Variants in EIF4G3 observed in about 807,000 individuals in gnomAD.
EIF4G3 encodes the protein eukaryotic translation initiation factor 4 gamma 3.
Under a neutral mutation model 186.4 loss-of-function variants are expected in EIF4G3, and 34 were observed. That is an observed-to-expected ratio of 0.18 (90% CI 0.14 to 0.24). EIF4G3 has a LOEUF of 0.24. Among genes scored for constraint, EIF4G3 ranks in the 10% least tolerant of loss-of-function variants. The probability of loss-of-function intolerance (pLI) is 1.00; values close to 1 mark genes in which losing one functional copy is unlikely to be tolerated. For synonymous variants in EIF4G3, 673 were observed against 679.5 expected, an observed-to-expected ratio of 0.99 and a Z score of 0.15; for missense variants, 1,536 against 1,948.5, an observed-to-expected ratio of 0.79 and a Z score of 3.99.
intron 14 of EIF4G3, among the ~76,000 whole-genome samples, chr1:20,927,488 C>G (rs572899768): frequency 1.2e-3 from 186 of 152,232 alleles, no homozygotes; most frequent in Non-Finnish European, 1.9e-3. Context: ...GTGCACTTTA[C>G]TTTTCCAGAG....
At chr1:21,080,449 GA>G (rs901400263) in intron 3 of EIF4G3, among the ~76,000 whole-genome samples, 162 of 144,520 alleles carry the variant, frequency 1.1e-3, no homozygotes, top group African/African-American at 3.6e-3. Flanking sequence ...TCAAAAAAAA[GA>G]AAAAAAAAAG....
chr1:20,911,380 C>CA (rs1411094787), intron 14 of EIF4G3, among the ~76,000 whole-genome samples: 1 of 151,196 alleles, frequency 6.6e-6, no homozygotes, highest in Non-Finnish European at 1.5e-5. Flanking sequence ...CCAGCCTAGG[C>CA]AAAAAAGTGA....
chr1:21,097,190 C>T (rs1020736823), intron 2 of EIF4G3, among the ~76,000 whole-genome samples: 1 of 152,150 alleles, frequency 6.6e-6, no homozygotes, highest in African/African-American at 2.4e-5. Flanking sequence ...CAAGGATACA[C>T]GATCTTTCCA....
intron 4 of EIF4G3, among the ~76,000 whole-genome samples, chr1:21,031,194 C>CACA (rs545461731): frequency 1.2e-3 from 180 of 149,580 alleles, no homozygotes; most frequent in African/African-American, 4.1e-3. Flanking sequence ...AAAAAAAAAA[C>CACA]ACAACAACAA....
chr1:20,855,982 ATGT>A (rs1453122047), intron 25 of EIF4G3, among the ~76,000 whole-genome samples: 1 of 152,224 alleles, frequency 6.6e-6, no homozygotes, highest in Non-Finnish European at 1.5e-5. Context: ...AAAAATACAA[ATGT>A]TGTTATTAAA....
rs193025382 is a variant in EIF4G3 at position 20,858,622 on chromosome 1, C to T, written c.3245-1125G>A. 4.6e-5 allele frequency among the ~76,000 whole-genome samples: 7 copies of T among 152,228 alleles called. No individual in the cohort carries two copies. In the East Asian group the frequency reaches 1.2e-3, roughly 25 times the overall value. On this transcript the variant is annotated intron_variant, in intron 24 of 36. Coordinates refer to ENST00000602326, the MANE Select transcript of EIF4G3 (RefSeq NM_001391906.1). ...TTAAGTATTTATTATTTATTGTCTC[C>T]TCTCTCCCCTCTACCATAAGATGTA...
intron 10 of EIF4G3, among the ~76,000 whole-genome samples, chr1:20,974,886 G>A (rs1044526032): frequency 2.6e-5 from 4 of 151,956 alleles, no homozygotes; most frequent in African/African-American, 9.7e-5. Flanking sequence ...TAACAAGAAG[G>A]AAAAAAATAT....
At chr1:21,145,534 G>A (rs1341479912) in intron 2 of EIF4G3, among the ~76,000 whole-genome samples, 1 of 151,578 alleles carries the variant, frequency 6.6e-6, no homozygotes, top group Non-Finnish European at 1.5e-5. Flanking sequence ...TGACTCAGTG[G>A]GATTACTGGT....
chr1:20,811,014 A>G lies in EIF4G3; in HGVS notation c.4598-130T>C, dbSNP rs546103358. On this transcript the variant is annotated intron_variant, in intron 35 of 36. Coordinates refer to ENST00000602326, the MANE Select transcript of EIF4G3 (RefSeq NM_001391906.1). ...GCCCAGGCTGGAGTGCAGTGGCACA[A>G]TCTAAGCTCACTGCAACCTCCGTCT... The G allele has an allele frequency of 4.8e-6, 4 of 837,618 alleles. No homozygotes were observed. The Admixed American group carries it at 1.1e-4, about 24-fold the overall frequency. 51.9% of individuals were successfully genotyped at this position (837,618 alleles called of 1,614,324 possible). A position where few individuals can be genotyped will look rare whatever the true frequency, so the allele number is the denominator to read the frequency against.
intron 27 of EIF4G3, among the ~76,000 whole-genome samples, chr1:20,852,883 A>G (rs534856144): frequency 6.6e-6 from 1 of 152,118 alleles, no homozygotes; most frequent in Non-Finnish European, 1.5e-5. Flanking sequence ...ACTTATTACA[A>G]TAATAATAAT....
At chr1:20,996,108 T>C (rs1444059536) in intron 7 of EIF4G3, among the ~76,000 whole-genome samples, 1 of 152,224 alleles carries the variant, frequency 6.6e-6, no homozygotes, top group East Asian at 1.9e-4. Context: ...TTTTTATTAT[T>C]AGTAGTAGTA....
At chr1:20,944,787 C>A (rs921572569) in intron 13 of EIF4G3, among the ~76,000 whole-genome samples, 3 of 151,234 alleles carry the variant, frequency 2.0e-5, no homozygotes, top group African/African-American at 7.3e-5. Context: ...TAAATCCCAG[C>A]ACTTTGGGAG....
At chr1:21,115,489 T>G (rs543343476) in intron 2 of EIF4G3, among the ~76,000 whole-genome samples, 1 of 152,296 alleles carries the variant, frequency 6.6e-6, no homozygotes, top group African/African-American at 2.4e-5. Context: ...GCCAAAAGCT[T>G]TGCTTCATTC....
At chr1:21,053,619 C>G (rs1462809058) in intron 3 of EIF4G3, among the ~76,000 whole-genome samples, 158 of 111,928 alleles carry the variant, frequency 1.4e-3, no homozygotes, top group African/African-American at 2.7e-3. Flanking sequence ...CGCCCGGCCA[C>G]CCGCCCCGTC....
At chr1:21,141,945 A>C (rs1418262426) in intron 2 of EIF4G3, among the ~76,000 whole-genome samples, 1 of 152,144 alleles carries the variant, frequency 6.6e-6, no homozygotes, top group African/African-American at 2.4e-5. Context: ...CAAAAAAAAA[A>C]ACAAAATGCT....
At chr1:20,825,340 G>C (rs1397370043) in intron 32 of EIF4G3, 142 bp from the exon 33 acceptor site, 1 of 631,018 alleles carries the variant, frequency 1.6e-6, no homozygotes, top group Non-Finnish European at 2.7e-6. Flanking sequence ...GCAGGGCATG[G>C]TGGTGCACAC....
intron 4 of EIF4G3, among the ~76,000 whole-genome samples, chr1:21,031,194 C>T (rs1025681038): frequency 6.7e-6 from 1 of 149,488 alleles, no homozygotes; most frequent in Non-Finnish European, 1.5e-5. Flanking sequence ...AAAAAAAAAA[C>T]ACAACAACAA....
chr1:21,071,673 G>A (rs562862276), intron 3 of EIF4G3, among the ~76,000 whole-genome samples: 6 of 151,970 alleles, frequency 3.9e-5, no homozygotes, highest in East Asian at 2.0e-4. Context: ...AGGCATGGTG[G>A]TGCGAGCCTG....
intron 2 of EIF4G3, among the ~76,000 whole-genome samples, chr1:21,157,995 A>C (rs996882840): frequency 2.0e-5 from 3 of 152,048 alleles, no homozygotes; most frequent in Admixed American, 6.6e-5. Context: ...ATGAGCAGTA[A>C]GTTTCCGAAG....
Sources: allele counts gnomAD v4.1 joint callset (sites outside exome capture counted in the v4.1 genomes callset), GRCh38; gene constraint gnomAD v4.1.1; transcripts MANE v1.5; gene names NCBI Gene and HGNC (gene_info 2026-07-23, HGNC 2026-07-21).